RNGTT: variants seen among roughly 807,000 people sequenced by gnomAD.
RNGTT encodes the protein mRNA-capping enzyme.
Under a neutral mutation model 79.3 loss-of-function variants are expected in RNGTT, and 33 were observed. That is an observed-to-expected ratio of 0.42 (90% CI 0.32 to 0.56). RNGTT has a LOEUF of 0.56. Among genes scored for constraint, RNGTT ranks in the 20% least tolerant of loss-of-function variants. The pLI is 0.17. For synonymous variants in RNGTT, 222 were observed against 235.9 expected (o/e 0.94, Z 0.54); for missense variants, 497 against 739.1 (o/e 0.67, Z 3.80).
intron 6 of RNGTT, among the ~76,000 whole-genome samples, chr6:88,893,803 T>C (rs1783131188): frequency 6.6e-6 from 1 of 151,650 alleles, no homozygotes; most frequent in Non-Finnish European, 1.5e-5. Context: ...AAAAGAAAGG[T>C]AGAAGTCCAA....
Position 88,714,493 on chromosome 6 carries a change from AGTGCAGT to A in RNGTT, c.1440-36081_1440-36075del, listed in dbSNP as rs1314840975. On this transcript the variant is annotated intron_variant, in intron 13 of 15. Coordinates refer to ENST00000369485, the MANE Select transcript of RNGTT (RefSeq NM_003800.5). ...AGTCTCGCTCTGTCGCCCAGGCTGGAGTGCAGTGGCGGGATCTCGGCTCACTGCAAGC... is the reference window on the plus strand; with the variant it reads ...AGTCTCGCTCTGTCGCCCAGGCTGGAGGCGGGATCTCGGCTCACTGCAAGC... 8 of 85,674 alleles carry A rather than the reference AGTGCAGT, an allele frequency of 9.3e-5. 2 individuals are homozygous for A. The African/African-American group carries it at 1.1e-3, about 12-fold the overall frequency. 5.3% of individuals were successfully genotyped at this position (85,674 alleles called of 1,614,324 possible).
intron 14 of RNGTT, among the ~76,000 whole-genome samples, chr6:88,623,975 T>G (rs1336352965): frequency 6.6e-6 from 1 of 151,952 alleles, no homozygotes; most frequent in African/African-American, 2.4e-5. Context: ...ATTTAAAATT[T>G]TAAAGTATAA....
At chr6:88,887,740 GA>G (rs1487555126) in intron 8 of RNGTT, among the ~76,000 whole-genome samples, 1 of 152,140 alleles carries the variant, frequency 6.6e-6, no homozygotes, top group African/African-American at 2.4e-5. Context: ...TTGGATGGCA[GA>G]AACAAGAGAC....
chr6:88,843,169 G>A (rs988703987), intron 11 of RNGTT, among the ~76,000 whole-genome samples: 1 of 150,172 alleles, frequency 6.7e-6, no homozygotes, highest in Non-Finnish European at 1.5e-5. Context: ...AAAAAAGAGT[G>A]CTGGCAATGG....
intron 7 of RNGTT, among the ~76,000 whole-genome samples, 159 bp from the exon 8 acceptor site, chr6:88,890,755 T>C (rs1554228198): frequency 1.3e-5 from 2 of 152,182 alleles, no homozygotes; most frequent in Non-Finnish European, 1.5e-5. Context: ...AAAATACTAA[T>C]AAAAGATTAT....
intron 13 of RNGTT, among the ~76,000 whole-genome samples, chr6:88,695,056 T>G (rs1775613500): frequency 6.6e-6 from 1 of 152,060 alleles, no homozygotes; most frequent in Non-Finnish European, 1.5e-5. Flanking sequence ...TCTGAAACTG[T>G]AAAACTACTG....
intron 14 of RNGTT, among the ~76,000 whole-genome samples, chr6:88,632,188 C>T (rs574723590): frequency 4.6e-5 from 7 of 152,178 alleles, no homozygotes; most frequent in African/African-American, 1.7e-4. Flanking sequence ...TCTCAAACAC[C>T]CGGGCTGAAG....
intron 13 of RNGTT, among the ~76,000 whole-genome samples, chr6:88,718,687 T>C (rs917974089): frequency 6.6e-6 from 1 of 152,174 alleles, no homozygotes; most frequent in Non-Finnish European, 1.5e-5. Flanking sequence ...TATTATTTTA[T>C]TATTATTCCT....
chr6:88,885,879 C>T (rs2127931172), intron 8 of RNGTT, among the ~76,000 whole-genome samples: 1 of 152,330 alleles, frequency 6.6e-6, no homozygotes, highest in East Asian at 1.9e-4. Context: ...AATATTACTA[C>T]TGTGATGTTC....
At chr6:88,699,614 A>G (rs1775876170) in intron 13 of RNGTT, among the ~76,000 whole-genome samples, 1 of 152,200 alleles carries the variant, frequency 6.6e-6, no homozygotes, top group African/African-American at 2.4e-5. Flanking sequence ...GCAGTGAGCC[A>G]TGATAGTGCC....
intron 14 of RNGTT, among the ~76,000 whole-genome samples, chr6:88,641,105 C>G (rs1390778770): frequency 6.6e-6 from 1 of 152,072 alleles, no homozygotes; most frequent in Non-Finnish European, 1.5e-5. Context: ...CTTTGGGAGG[C>G]CAAGGCGGGT....
At chr6:88,670,083 A>C (rs1026271235) in intron 14 of RNGTT, among the ~76,000 whole-genome samples, 1 of 152,220 alleles carries the variant, frequency 6.6e-6, no homozygotes, top group African/African-American at 2.4e-5. Flanking sequence ...ACTACTTGCT[A>C]GCAGTGGAAA....
At chr6:88,821,383 T>C (rs1780492099) in intron 11 of RNGTT, among the ~76,000 whole-genome samples, 1 of 152,142 alleles carries the variant, frequency 6.6e-6, no homozygotes, top group Admixed American at 6.5e-5. Context: ...AGAAAGCATA[T>C]GTTTTACATT....
intron 13 of RNGTT, among the ~76,000 whole-genome samples, chr6:88,685,169 A>T (rs1775230726): frequency 1.3e-5 from 2 of 152,282 alleles, no homozygotes; most frequent in African/African-American, 4.8e-5. Flanking sequence ...TTGCACAGGA[A>T]ATTTTCAGAG....
chr6:88,905,964 T>C (rs929206686), intron 5 of RNGTT, among the ~76,000 whole-genome samples: 1 of 152,044 alleles, frequency 6.6e-6, no homozygotes, highest in Admixed American at 6.6e-5. Context: ...GGGTAACATA[T>C]GGAGACCTCC....
chr6:88,672,232 T>TATATATACACACACACAC (rs1774675264), intron 14 of RNGTT, among the ~76,000 whole-genome samples: 2 of 149,960 alleles, frequency 1.3e-5, no homozygotes, highest in Admixed American at 6.7e-5. Context: ...CACACACACA[T>TATATATACACACACACAC]ATATATACAC....
intron 6 of RNGTT, among the ~76,000 whole-genome samples, chr6:88,904,434 G>C (rs574224575): frequency 1.3e-5 from 2 of 152,152 alleles, no homozygotes; most frequent in Non-Finnish European, 2.9e-5. Flanking sequence ...TTAAAAATTA[G>C]CCAGTCGTGT....
intron 8 of RNGTT, among the ~76,000 whole-genome samples, chr6:88,878,991 T>C (rs1244780631): frequency 6.6e-6 from 1 of 152,230 alleles, no homozygotes; most frequent in African/African-American, 2.4e-5. Flanking sequence ...TGTCTGAACA[T>C]TCGGCTCCAG....
chr6:88,723,795 G>T (rs948501800), intron 13 of RNGTT, among the ~76,000 whole-genome samples: 5 of 152,074 alleles, frequency 3.3e-5, no homozygotes, highest in Non-Finnish European at 7.4e-5. Flanking sequence ...TGCAATGTGG[G>T]CTCATTGCAA....
Sources: gnomAD v4.1 joint callset for allele counts (sites outside exome capture counted in the v4.1 genomes callset) on GRCh38, gnomAD v4.1.1 for gene constraint, MANE v1.5 for transcripts, NCBI Gene and HGNC (gene_info 2026-07-23, HGNC 2026-07-21) for gene names.